Variants in SIGLEC1 observed in about 807,000 individuals in gnomAD.
SIGLEC1 encodes the protein sialoadhesin.
In SIGLEC1, 132 loss-of-function variants were observed where a neutral mutation model predicts 148.0. The ratio of observed to expected loss-of-function variants is 0.89; its 90% CI spans 0.77 to 1.03. The LOEUF (loss-of-function observed/expected upper bound fraction) is 1.03, where lower values mean the gene tolerates loss of function less well. Among genes scored for constraint, SIGLEC1 ranks in the 50% least tolerant of loss-of-function variants. The pLI is 0.00. For missense variants in SIGLEC1, 2,253 were observed against 2,271.4 expected (o/e 0.99, Z 0.16); for synonymous variants, 945 against 969.0 (o/e 0.98, Z 0.46).
In SIGLEC1 at chr20:3,707,248, G is replaced by A. The variant is rs149563178; in HGVS notation, c.-109-11C>T. On this transcript the variant is annotated splice_polypyrimidine_tract_variant and intron_variant, in intron 1 of 21. Coordinates refer to ENST00000344754, the MANE Select transcript of SIGLEC1 (RefSeq NM_023068.4). Reference sequence around the variant, plus strand: ...TAGCCCCAGCACCTGCTAGAAGTCCGAGCCTGTGTCCCCACCTCCTCTGCT... The same window carrying A: ...TAGCCCCAGCACCTGCTAGAAGTCCAAGCCTGTGTCCCCACCTCCTCTGCT... The A allele has an allele frequency of 4.8e-6, 4 of 826,840 alleles. No homozygotes were observed. The highest frequency in any genetic ancestry group is 1.7e-5 in the African/African-American group (1 of 59,202). 51.2% of individuals were successfully genotyped at this position (826,840 alleles called of 1,614,324 possible). A position where few individuals can be genotyped will look rare whatever the true frequency, so the allele number is the denominator to read the frequency against.
At chr20:3,693,174 C>T in intron 14 of SIGLEC1, 43 bp from the exon 15 acceptor site, 2 of 1,503,276 alleles carry the variant, frequency 1.3e-6, no homozygotes, top group East Asian at 2.3e-5. Context: ...AGGCAGCAGC[C>T]TGCAGGAGGC....
chr20:3,705,032 C>G (rs1285999138), intron 4 of SIGLEC1, among the ~76,000 whole-genome samples: 1 of 152,176 alleles, frequency 6.6e-6, no homozygotes. Context: ...CAGTCTCACT[C>G]TGTCACCCAG....
At chr20:3,688,739 G>C in intron 21 of SIGLEC1, 120 bp from the exon 22 acceptor site, 1 of 729,730 alleles carries the variant, frequency 1.4e-6, no homozygotes, top group Non-Finnish European at 2.2e-6. Flanking sequence ...CTGGAAGTGT[G>C]ACTTGGAGCC....
rs61736339 is a variant in SIGLEC1, at chr20:3,701,637, C to A, written c.1233G>T (p.Pro411=). 1 of 1,560,764 alleles carries A rather than the reference C, an allele frequency of 6.4e-7. No individual in the cohort carries two copies. The highest frequency in any genetic ancestry group is 8.7e-7 in the Non-Finnish European group (1 of 1,148,944). The part of the protein sequence containing the change: ...SGPVSVVVNH[P]PLTPVLTAFL... ...AGGCTGTCAGGACTGGAGTGAGAGG[C>A]GGGTCTGTGTGGAGACGAGAGGTGG... is the stretch of plus-strand genomic sequence containing the variant. Residue 411 remains proline (P), a synonymous_variant, in exon 7 of 22, where the codon CCG becomes CCT. Transcript: ENST00000344754.
chr20:3,702,766 C>A (rs2087862202), intron 6 of SIGLEC1, among the ~76,000 whole-genome samples: 1 of 151,992 alleles, frequency 6.6e-6, no homozygotes, highest in Admixed American at 6.6e-5. Flanking sequence ...TATAGAGTGT[C>A]CATATATGTA....
At chr20:3,688,821 C>A (rs2088725310) in intron 21 of SIGLEC1, 2 of 598,438 alleles carry the variant, frequency 3.3e-6, no homozygotes, top group East Asian at 5.6e-5. Context: ...TCACTTCTGC[C>A]CAGGTGACGG....
intron 4 of SIGLEC1, 121 bp from the exon 5 acceptor site, chr20:3,704,212 T>G (rs777177042): frequency 2.3e-5 from 21 of 894,466 alleles, no homozygotes; most frequent in Non-Finnish European, 3.6e-5. Flanking sequence ...AAAACAGCAG[T>G]CCCCTTCAAT....
intron 20 of SIGLEC1, 159 bp downstream of exon 20, chr20:3,689,441 A>T (rs531724507): frequency 1.5e-6 from 1 of 655,876 alleles, no homozygotes; most frequent in Non-Finnish European, 2.6e-6. Context: ...GGATTTAGGG[A>T]CAATTCTAGA....
In SIGLEC1 at chr20:3,701,613, G is replaced by A. The variant is rs764929701; in HGVS notation, c.1257C>T (p.Ala419=). 17 of 1,583,516 alleles carry A rather than the reference G, an allele frequency of 1.1e-5. No homozygotes were observed. Among genetic ancestry groups the A allele is most frequent in the Non-Finnish European group, 1.5e-5 (17 of 1,159,942 alleles). The change falls in exon 7 of 22, where the codon GCC becomes GCT. Residue 419 remains alanine (A), a synonymous_variant. Transcript: ENST00000344754. ...CAAGTCCCGCCTGGGTCTCCAGGAA[G>A]GCTGTCAGGACTGGAGTGAGAGGCG... ...NHPPLTPVLT[A]FLETQAGLVG...
rs143082409 is a variant in SIGLEC1, at chr20:3,704,088, G to A, written c.710C>T (p.Ala237Val). The A allele has an allele frequency of 3.7e-4, 588 of 1,610,678 alleles. No individual in the cohort carries two copies. Among genetic ancestry groups the A allele is most frequent in the Middle Eastern group, 5.0e-4 (3 of 6,046 alleles). ...GAGGAGGATCTTCACACCCTTGGGGGCATCTGCAAGTCACAGTAGGGGGTA... is the reference window on the plus strand; with the variant it reads ...GAGGAGGATCTTCACACCCTTGGGGACATCTGCAAGTCACAGTAGGGGGTA... ...QSEIHLQVKY[A>V]PKGVKILLSP... is the part of the protein sequence containing the mutation. The change falls in exon 5 of 22, where the codon GCC becomes GTC. Residue 237 changes from alanine to valine, a missense_variant. Coordinates refer to ENST00000344754, the MANE Select transcript of SIGLEC1 (RefSeq NM_023068.4).
At position 3,706,549 on chromosome 20, in the gene SIGLEC1, C is replaced by T. The variant is rs975378122; in HGVS notation, c.207G>A (p.Val69=). 1.9e-6 allele frequency: 3 copies of T among 1,612,704 alleles called. No individual in the cohort carries two copies. The highest frequency in any genetic ancestry group is 2.5e-6 in the Non-Finnish European group (3 of 1,179,870). ...GCTTGGGGTCCGCCGAGTGGCTCAC[C>T]ACCTGCCGCTGGCCCGAGTAGTCGT... is the stretch of plus-strand genomic sequence containing the variant. ...WYYDYSGQRQ[V]VSHSADPKLV... The change falls in exon 3 of 22, where the codon GTG becomes GTA. Residue 69 remains valine, a synonymous_variant. Coordinates refer to ENST00000344754, the MANE Select transcript of SIGLEC1 (RefSeq NM_023068.4).
At position 3,690,824 on chromosome 20, in the gene SIGLEC1, C is replaced by CTTTTTTTTTTTTTTTTTTTTTTTT. The variant is rs200631809; in HGVS notation, c.4591+515_4591+516insAAAAAAAAAAAAAAAAAAAAAAAA. On this transcript the variant is annotated intron_variant, in intron 18 of 21. Transcript: ENST00000344754. Reference sequence around the variant, plus strand: ...TTCTTTTGGTTTTTTCTCTTCTTTTCTTTTCTTTTTTTTTTTTTTTTCTTG... The same window carrying CTTTTTTTTTTTTTTTTTTTTTTTT: ...TTCTTTTGGTTTTTTCTCTTCTTTTCTTTTTTTTTTTTTTTTTTTTTTTTTTTTCTTTTTTTTTTTTTTTTCTTG... Among the ~76,000 whole-genome samples the CTTTTTTTTTTTTTTTTTTTTTTTT allele has an allele frequency of 1.7e-4, 21 of 126,872 alleles. 3 individuals are homozygous for CTTTTTTTTTTTTTTTTTTTTTTTT. The highest frequency in any genetic ancestry group is 6.7e-4 in the African/African-American group (20 of 29,910). The allele number at this position is 126,872 out of a possible 152,430, so 83.2% of individuals were successfully genotyped here.
intron 11 of SIGLEC1, among the ~76,000 whole-genome samples, chr20:3,695,920 G>A (rs954756253): frequency 1.3e-4 from 19 of 151,506 alleles, no homozygotes; most frequent in African/African-American, 4.6e-4. Context: ...CAAACGATTC[G>A]CCTGCCTTAG....
At chr20:3,708,985 C>T (rs113158015) in intron 1 of SIGLEC1, among the ~76,000 whole-genome samples, 2,160 of 132,896 alleles carry the variant, frequency 0.016, 26 homozygotes, top group Non-Finnish European at 0.025. Flanking sequence ...GCGGAGGTCA[C>T]GGTGAGCCAG....
chr20:3,699,147 G>C (rs2087828526), intron 8 of SIGLEC1, 55 bp downstream of exon 8: 5 of 1,584,776 alleles, frequency 3.2e-6, no homozygotes, highest in Non-Finnish European at 4.3e-6. Flanking sequence ...GCCTAGAGGA[G>C]GTGGGGTGGC....
Position 3,706,635 on chromosome 20 carries a change from A to G in SIGLEC1, c.121T>C (p.Cys41Arg). 4 of 1,587,836 alleles carry G rather than the reference A, an allele frequency of 2.5e-6. No homozygotes were observed. Among genetic ancestry groups the G allele is most frequent in the Non-Finnish European group, 3.4e-6 (4 of 1,167,498 alleles). Residue 41 changes from cysteine (C) to arginine (R), a missense_variant, in exon 3 of 22, where the codon TGC becomes CGC. Cys to Arg is a radical substitution (Grantham distance 180). Transcript: ENST00000344754. ...ACGTCGGCAGGGAAGCTGAAGATGC[A>G]GGGGATAAGCAGGCAAGACCCCTTC... ...GVKGSCLLIP[C>R]IFSFPADVEV...
rs932404268 is a variant in SIGLEC1, at chr20:3,712,372, C to CA, written c.-110+97_-110+98insT. 4.0e-4 allele frequency among the ~76,000 whole-genome samples: 61 copies of CA among 151,610 alleles called. No individual in the cohort carries two copies. The South Asian group carries it at 8.2e-3, about 20-fold the overall frequency. On this transcript the variant is annotated intron_variant, in intron 1 of 21. Coordinates refer to ENST00000344754, the MANE Select transcript of SIGLEC1 (RefSeq NM_023068.4). The stretch of plus-strand genomic sequence containing the variant: ...CACTCGCACCCAGATGGAGCCCCCC[C>CA]CCGACCCCTGCCCCTATCCCGCTCA...
chr20:3,706,295 A>C (rs1428841479), intron 3 of SIGLEC1, 52 bp downstream of exon 3: 1 of 1,562,218 alleles, frequency 6.4e-7, no homozygotes, highest in Admixed American at 1.7e-5. Flanking sequence ...AGGGGTCCAG[A>C]AGCAGCTTGG....
chr20:3,709,815 A>C (rs775225148), intron 1 of SIGLEC1, among the ~76,000 whole-genome samples: 4 of 152,250 alleles, frequency 2.6e-5, no homozygotes, highest in Non-Finnish European at 5.9e-5. Flanking sequence ...AAAAGGGCAA[A>C]TATTGTAGGG....
Sources: allele counts gnomAD v4.1 joint callset (sites outside exome capture counted in the v4.1 genomes callset), GRCh38; gene constraint gnomAD v4.1.1; transcripts MANE v1.5; gene names NCBI Gene and HGNC (gene_info 2026-07-23, HGNC 2026-07-21).